AASS: variants seen among roughly 807,000 people sequenced by gnomAD.
AASS encodes the protein aminoadipate-semialdehyde synthase.
A neutral mutation model predicts 105.4 loss-of-function variants in AASS; 86 were observed. The ratio of observed to expected loss-of-function variants is 0.82; its 90% CI spans 0.69 to 0.98. The LOEUF is 0.98. Ranked by LOEUF, AASS falls within the 50% of genes least tolerant of loss-of-function variation. The probability of loss-of-function intolerance (pLI) is 0.00; values close to 1 mark genes in which losing one functional copy is unlikely to be tolerated. For missense variants in AASS, 1,048 were observed against 1,143.2 expected (o/e 0.92, Z 1.20); for synonymous variants, 381 against 394.8 (o/e 0.96, Z 0.41).
At chr7:122,117,927 A>AT (rs901866238) in intron 6 of AASS, among the ~76,000 whole-genome samples, 2 of 152,146 alleles carry the variant, frequency 1.3e-5, no homozygotes, top group African/African-American at 4.8e-5. Context: ...AAGCACTGGG[A>AT]TTATAGGTGT....
intron 18 of AASS, among the ~76,000 whole-genome samples, chr7:122,088,345 T>G (rs1374039142): frequency 6.6e-6 from 1 of 152,096 alleles, no homozygotes; most frequent in Non-Finnish European, 1.5e-5. Flanking sequence ...AATCATTTTT[T>G]CAGGGCCTAC....
At chr7:122,118,975 A>T (rs1175119617) in intron 4 of AASS, among the ~76,000 whole-genome samples, 1 of 152,022 alleles carries the variant, frequency 6.6e-6, no homozygotes, top group Non-Finnish European at 1.5e-5. Context: ...ATCCTTCCCT[A>T]TTGCTTCATT....
rs1263670574 is a variant in AASS, at chr7:122,126,472, T to TA, written c.388-14dup. 8.1e-6 allele frequency: 13 copies of TA among 1,611,008 alleles called. No individual in the cohort carries two copies. The highest frequency in any genetic ancestry group is 1.6e-4 in the Middle Eastern group (1 of 6,074). ...TAAGGCGAATTTCCTGAAAAGAGGA[T>TA]AAAAAAATTTCAACTGGACCCATTA... On this transcript the variant is annotated splice_polypyrimidine_tract_variant and intron_variant, in intron 3 of 23. Coordinates refer to ENST00000417368, the MANE Select transcript of AASS (RefSeq NM_005763.4).
At chr7:122,138,240 T>C (rs1020782943) in intron 1 of AASS, among the ~76,000 whole-genome samples, 1 of 152,170 alleles carries the variant, frequency 6.6e-6, no homozygotes, top group Non-Finnish European at 1.5e-5. Context: ...TATAGTGAAT[T>C]GCAGCGAGAT....
At position 122,093,078 on chromosome 7, in the gene AASS, A is replaced by C; in HGVS notation, c.1736T>G (p.Ile579Ser). 6.2e-7 allele frequency: 1 copy of C among 1,614,004 alleles called. No homozygotes were observed. Among genetic ancestry groups the C allele is most frequent in the Non-Finnish European group, 8.5e-7 (1 of 1,179,898 alleles). Residue 579 changes from isoleucine (I) to serine (S), a missense_variant, in exon 16 of 24, where the codon ATC becomes AGC. Physicochemically the swap from Ile to Ser is moderately radical, Grantham distance 142 (BLOSUM62 -2). Transcript: ENST00000417368. The part of the protein sequence containing the change: ...NKVNMVTASY[I>S]TPALKELEKS... ...TTCCAATTCTTTTAGTGCTGGTGTG[A>C]TGTAGCTTGCAGTGACCATGTTAAC...
intron 1 of AASS, among the ~76,000 whole-genome samples, chr7:122,137,578 G>C (rs1796208858): frequency 6.6e-6 from 1 of 152,140 alleles, no homozygotes; most frequent in South Asian, 2.1e-4. Context: ...AAAATGGTTT[G>C]ATTATAGTAT....
chr7:122,078,316 TAA>T (rs976411643), intron 22 of AASS, among the ~76,000 whole-genome samples: 1 of 146,416 alleles, frequency 6.8e-6, no homozygotes, highest in East Asian at 2.0e-4. Context: ...CCTAATGCAT[TAA>T]AAAAAAAAAG....
chr7:122,099,165 A>G (rs368555353), intron 13 of AASS, among the ~76,000 whole-genome samples: 2 of 152,016 alleles, frequency 1.3e-5, no homozygotes, highest in South Asian at 2.1e-4. Context: ...TGAGGTGCAG[A>G]TGCTGGACAT....
intron 18 of AASS, among the ~76,000 whole-genome samples, chr7:122,087,285 T>C (rs1352114955): frequency 6.6e-6 from 1 of 152,186 alleles, no homozygotes; most frequent in African/African-American, 2.4e-5. Flanking sequence ...AACTCATTTA[T>C]CTGTGGATGA....
intron 23 of AASS, among the ~76,000 whole-genome samples, chr7:122,077,511 G>T (rs1793078560): frequency 6.6e-6 from 1 of 152,144 alleles, no homozygotes; most frequent in Non-Finnish European, 1.5e-5. Flanking sequence ...TATTATATCA[G>T]TTAGTGTCAC....
chr7:122,128,149 T>C (rs532906196), intron 3 of AASS, among the ~76,000 whole-genome samples: 33 of 152,296 alleles, frequency 2.2e-4, no homozygotes, highest in African/African-American at 7.9e-4. Context: ...TATCCAAGAT[T>C]TGTCCACATT....
At chr7:122,113,385 T>C (rs1795021731) in intron 10 of AASS, among the ~76,000 whole-genome samples, 156 bp from the exon 11 acceptor site, 1 of 152,222 alleles carries the variant, frequency 6.6e-6, no homozygotes, top group African/African-American at 2.4e-5. Flanking sequence ...AACAAAACGT[T>C]TTCCTTCTTC....
In AASS at chr7:122,088,467, A is replaced by C. The variant is rs756684706; in HGVS notation, c.2017-2288T>G. ...CAAAGGCAAATCTGAACCCAGTTCT[A>C]TTTGACTGCAATGTCTGTGTTCCTT... is the stretch of plus-strand genomic sequence containing the variant. On this transcript the variant is annotated intron_variant, in intron 18 of 23. Transcript: ENST00000417368. Among the ~76,000 whole-genome samples the C allele has an allele frequency of 1.3e-3, 202 of 152,262 alleles. 1 individual carries two copies. Among genetic ancestry groups the C allele is most frequent in the Non-Finnish European group, 2.1e-3 (143 of 68,006 alleles).
rs1185427511 is a variant in AASS at position 122,074,795 on chromosome 7, CAAT to C, written c.*1691_*1693del. ...AAAGTCAGTTGATGATAAATGTGAT[CAAT>C]ATTTCTGGACCCTCAATTATATTGG... On this transcript the variant is annotated 3_prime_UTR_variant, in exon 24 of 24. Transcript: ENST00000417368. Among the ~76,000 whole-genome samples the C allele has an allele frequency of 6.6e-6, 1 of 152,112 alleles. No homozygotes were observed. Among genetic ancestry groups the C allele is most frequent in the East Asian group, 1.9e-4 (1 of 5,192 alleles).
At chr7:122,089,505 G>A (rs1050245651) in intron 18 of AASS, among the ~76,000 whole-genome samples, 1 of 152,122 alleles carries the variant, frequency 6.6e-6, no homozygotes, top group African/African-American at 2.4e-5. Context: ...GGAGAACTTC[G>A]AATTCAACAA....
At chr7:122,096,309 A>ATAT (rs1411118610) in intron 15 of AASS, among the ~76,000 whole-genome samples, 1 of 152,104 alleles carries the variant, frequency 6.6e-6, no homozygotes. Flanking sequence ...CACTGTGGTT[A>ATAT]TATCAAAACA....
At chr7:122,107,513 A>C (rs971267703) in intron 11 of AASS, among the ~76,000 whole-genome samples, 4 of 152,228 alleles carry the variant, frequency 2.6e-5, no homozygotes, top group African/African-American at 9.6e-5. Flanking sequence ...CTAAATGCCT[A>C]TAAATGATAG....
intron 19 of AASS, 133 bp from the exon 20 acceptor site, chr7:122,081,728 C>A: frequency 6.0e-6 from 4 of 665,654 alleles, no homozygotes; most frequent in South Asian, 3.7e-5. Flanking sequence ...ATGAGTACTA[C>A]AGCTCTTCTA....
intron 17 of AASS, 151 bp from the exon 18 acceptor site, chr7:122,091,994 C>A (rs941023687): frequency 8.3e-6 from 5 of 605,616 alleles, no homozygotes; most frequent in African/African-American, 7.4e-5. Flanking sequence ...ATCTTCAAAG[C>A]ATGTACCATT....
Sources: allele counts gnomAD v4.1 joint callset (sites outside exome capture counted in the v4.1 genomes callset), GRCh38; gene constraint gnomAD v4.1.1; transcripts MANE v1.5; gene names NCBI Gene and HGNC (gene_info 2026-07-23, HGNC 2026-07-21).